The following DENND1B variants were observed in gnomAD, a reference collection of about 807,000 sequenced individuals.
DENND1B encodes DENN domain containing 1B.
DENND1B carries 59 observed loss-of-function variants against 90.1 expected under a neutral mutation model. That is an observed-to-expected ratio of 0.65 (90% CI 0.53 to 0.81). The LOEUF is 0.81. Ranked by LOEUF, DENND1B falls within the 40% of genes least tolerant of loss-of-function variation. DENND1B has a pLI of 0.00. For missense variants in DENND1B, 862 were observed against 912.6 expected, an observed-to-expected ratio of 0.94 and a Z score of 0.71; for synonymous variants, 337 against 324.6, an observed-to-expected ratio of 1.04 and a Z score of -0.41.
intron 2 of DENND1B, among the ~76,000 whole-genome samples, chr1:197,749,489 G>A (rs1190302199): frequency 1.3e-5 from 2 of 151,896 alleles, no homozygotes; most frequent in East Asian, 3.8e-4. Context: ...GAAGACAACA[G>A]AACATTATTA....
At chr1:197,731,267 G>A (rs1420128738) in intron 2 of DENND1B, among the ~76,000 whole-genome samples, 3 of 152,214 alleles carry the variant, frequency 2.0e-5, no homozygotes, top group East Asian at 3.9e-4. Flanking sequence ...ATTATTGGCT[G>A]AGAAACTATA....
At chr1:197,678,375 C>T (rs1205484307) in intron 3 of DENND1B, among the ~76,000 whole-genome samples, 1 of 152,138 alleles carries the variant, frequency 6.6e-6, no homozygotes, top group Non-Finnish European at 1.5e-5. Flanking sequence ...ATAACACTTT[C>T]AGAATCATTT....
chr1:197,633,979 T>C (rs1433617878), intron 10 of DENND1B, among the ~76,000 whole-genome samples: 1 of 152,132 alleles, frequency 6.6e-6, no homozygotes, highest in Admixed American at 6.6e-5. Context: ...TTCTAAGGAA[T>C]GGCATTTCTC....
At chr1:197,596,998 A>C (rs1182378215) in intron 13 of DENND1B, among the ~76,000 whole-genome samples, 2 of 151,892 alleles carry the variant, frequency 1.3e-5, no homozygotes, top group African/African-American at 4.8e-5. Flanking sequence ...TCTATGCAGA[A>C]AGGCCTTTGC....
At chr1:197,516,543 T>C (rs1473160991) in intron 20 of DENND1B, among the ~76,000 whole-genome samples, 1 of 151,724 alleles carries the variant, frequency 6.6e-6, no homozygotes, top group Non-Finnish European at 1.5e-5. Context: ...TTCTGGTGGG[T>C]TGCGACTCTG....
At chr1:197,648,180 C>T (rs1450679317) in intron 7 of DENND1B, among the ~76,000 whole-genome samples, 1 of 152,080 alleles carries the variant, frequency 6.6e-6, no homozygotes, top group Admixed American at 6.5e-5. Context: ...TTGCTACCAA[C>T]CAACACCTGA....
intron 3 of DENND1B, among the ~76,000 whole-genome samples, chr1:197,688,015 T>C (rs1244818614): frequency 6.6e-6 from 1 of 152,108 alleles, no homozygotes; most frequent in African/African-American, 2.4e-5. Context: ...TGTGTCTGTA[T>C]ACAGTAACAT....
At chr1:197,567,352 T>C (rs1672764286) in intron 15 of DENND1B, among the ~76,000 whole-genome samples, 1 of 152,082 alleles carries the variant, frequency 6.6e-6, no homozygotes, top group African/African-American at 2.4e-5. Flanking sequence ...ACTGAATCAG[T>C]AGTCAAAAAT....
At chr1:197,592,108 CAAAAAAAA>C (rs71286564) in intron 14 of DENND1B, among the ~76,000 whole-genome samples, 1 of 55,816 alleles carries the variant, frequency 1.8e-5, no homozygotes. Flanking sequence ...GATTCCATCT[CAAAAAAAA>C]AAAAAAAAAA....
At chr1:197,740,826 C>G (rs1255802405) in intron 2 of DENND1B, among the ~76,000 whole-genome samples, 3 of 152,094 alleles carry the variant, frequency 2.0e-5, no homozygotes, top group Admixed American at 6.6e-5. Flanking sequence ...GAAGGACAAG[C>G]TGAAGAAAAG....
rs543331924 is a variant in DENND1B, at chr1:197,614,646, C to CT, written c.774-2671dup. ...GCAATTCACCTGTACTTAAGAATAGCTTTTTTTTTCTTTTTAGGTTTTCAT... is the reference window on the plus strand; with the variant it reads ...GCAATTCACCTGTACTTAAGAATAGCTTTTTTTTTTCTTTTTAGGTTTTCAT... On this transcript the variant is annotated intron_variant, in intron 11 of 22. Coordinates refer to ENST00000620048, the MANE Select transcript of DENND1B (RefSeq NM_001195215.2). 8.7e-3 allele frequency among the ~76,000 whole-genome samples: 1,305 copies of CT among 150,040 alleles called. 17 individuals carry two copies. Among genetic ancestry groups the CT allele is most frequent in the African/African-American group, 0.03 (1,227 of 41,060 alleles).
At chr1:197,607,622 G>A (rs1295742025) in intron 12 of DENND1B, among the ~76,000 whole-genome samples, 1 of 150,346 alleles carries the variant, frequency 6.7e-6, no homozygotes, top group East Asian at 2.0e-4. Context: ...TAAATTTTTT[G>A]TCTATATTCT....
chr1:197,685,779 T>C (rs1381135952), intron 3 of DENND1B: 3 of 152,100 alleles, frequency 2.0e-5, no homozygotes, highest in Non-Finnish European at 4.4e-5. Flanking sequence ...GTTTTTTTTT[T>C]AATTGAGTGT....
intron 3 of DENND1B, among the ~76,000 whole-genome samples, chr1:197,676,731 C>T (rs1656118475): frequency 6.6e-6 from 1 of 152,000 alleles, no homozygotes; most frequent in Non-Finnish European, 1.5e-5. Flanking sequence ...GGTAATAATA[C>T]ATATTTCTGT....
At chr1:197,775,077 C>G (rs943464041) in intron 1 of DENND1B, 62 bp downstream of exon 1, 3 of 1,144,298 alleles carry the variant, frequency 2.6e-6, no homozygotes, top group Non-Finnish European at 3.3e-6. Context: ...AGGAGCCGAG[C>G]TGGCCTGGGA....
chr1:197,768,152 T>TTCC (rs1280157131), intron 2 of DENND1B, among the ~76,000 whole-genome samples: 1 of 151,334 alleles, frequency 6.6e-6, no homozygotes, highest in East Asian at 2.0e-4. Context: ...CCACCTCCTT[T>TTCC]TCCTCCTCCT....
In DENND1B at chr1:197,536,187, GATGAC is replaced by G. The variant is rs201920529; in HGVS notation, c.1515+3772_1515+3776del. Among the ~76,000 whole-genome samples the G allele has an allele frequency of 1.8e-3, 271 of 150,210 alleles. 1 individual carries two copies. Among genetic ancestry groups the G allele is most frequent in the South Asian group, 3.6e-3 (17 of 4,672 alleles). ...GATGAGATGAGATGAGATGAGATGA[GATGAC>G]ATGAGATGAGTAGGGAGAGAAGCTG... On this transcript the variant is annotated intron_variant, in intron 20 of 22. Transcript: ENST00000620048.
Position 197,642,948 on chromosome 1 carries a change from A to G in DENND1B, c.562-127T>C, listed in dbSNP as rs1173539150. ...ATTATTTAAAATGGTATTTATTAAA[A>G]TAATTAAGTGTAATACTAGTCGGCT... On this transcript the variant is annotated intron_variant, in intron 9 of 22. Transcript: ENST00000620048. The G allele has an allele frequency of 6.5e-6, 4 of 616,690 alleles. No individual in the cohort carries two copies. The African/African-American group carries it at 7.4e-5, about 11-fold the overall frequency. 38.2% of individuals were successfully genotyped at this position (616,690 alleles called of 1,614,324 possible).
Position 197,674,161 on chromosome 1 carries a change from T to C in DENND1B, c.135A>G (p.Leu45=). ...GAAAACAGAACTTTGGCACACTCTGTAGTATTTCCTACAAATGGAAATTTC... is the reference window on the plus strand; with the variant it reads ...GAAAACAGAACTTTGGCACACTCTGCAGTATTTCCTACAAATGGAAATTTC... ...FPEDFGDQEI[L]QSVPKFCFPF... The change falls in exon 4 of 23, where the codon CTA becomes CTG. Residue 45 remains leucine (L), a synonymous_variant. Coordinates refer to ENST00000620048, the MANE Select transcript of DENND1B (RefSeq NM_001195215.2). 2.5e-6 allele frequency: 4 copies of C among 1,599,356 alleles called. No homozygotes were observed. Among genetic ancestry groups the C allele is most frequent in the Non-Finnish European group, 2.6e-6 (3 of 1,171,556 alleles).
Sources: allele counts gnomAD v4.1 joint callset (sites outside exome capture counted in the v4.1 genomes callset), GRCh38; gene constraint gnomAD v4.1.1; transcripts MANE v1.5; gene names NCBI Gene and HGNC (gene_info 2026-07-23, HGNC 2026-07-21).